Variants in GBF1 observed in about 807,000 individuals in gnomAD.
GBF1 encodes the protein golgi brefeldin A resistant guanine nucleotide exchange factor 1, also known as Golgi-specific brefeldin A-resistance guanine nucleotide exchange factor 1.
GBF1 carries 114 observed loss-of-function variants against 210.5 expected under a neutral mutation model. The ratio of observed to expected loss-of-function variants is 0.54; its 90% CI spans 0.47 to 0.63. The LOEUF (loss-of-function observed/expected upper bound fraction) is 0.63. Among genes scored for constraint, GBF1 ranks in the 30% least tolerant of loss-of-function variants. The pLI is 0.00. For synonymous variants in GBF1, 850 were observed against 889.2 expected, an observed-to-expected ratio of 0.96 and a Z score of 0.78; for missense variants, 1,851 against 2,357.7, an observed-to-expected ratio of 0.79 and a Z score of 4.45.
intron 3 of GBF1, among the ~76,000 whole-genome samples, chr10:102,311,000 G>A (rs552361479): frequency 6.6e-6 from 1 of 152,308 alleles, no homozygotes; most frequent in Non-Finnish European, 1.5e-5. Flanking sequence ...CCTTTAGAGG[G>A]TGCTTTGAGG....
At chr10:102,355,239 C>T (rs1475777118) in intron 8 of GBF1, among the ~76,000 whole-genome samples, 1 of 152,196 alleles carries the variant, frequency 6.6e-6, no homozygotes, top group Non-Finnish European at 1.5e-5. Flanking sequence ...AAGTAAAAAA[C>T]TCTGTGTATG....
chr10:102,344,989 T>C (rs1162872761), intron 4 of GBF1, among the ~76,000 whole-genome samples: 2 of 152,046 alleles, frequency 1.3e-5, no homozygotes, highest in African/African-American at 4.8e-5. Context: ...CATTCCTTTT[T>C]AAAATGAAAT....
chr10:102,324,298 A>C (rs572714254), intron 3 of GBF1, among the ~76,000 whole-genome samples: 1 of 152,328 alleles, frequency 6.6e-6, no homozygotes, highest in South Asian at 2.1e-4. Context: ...AGTCAGAGCC[A>C]CAGCATGTGT....
upstream of GBF1, among the ~76,000 whole-genome samples, chr10:102,244,669 T>G (rs1000789935): frequency 6.6e-6 from 1 of 152,070 alleles, no homozygotes; most frequent in African/African-American, 2.4e-5. Context: ...AAAGGCTTGG[T>G]ATGAAAGGCA....
At chr10:102,277,392 CTT>C (rs35430312) in intron 3 of GBF1, among the ~76,000 whole-genome samples, 64 of 136,954 alleles carry the variant, frequency 4.7e-4, no homozygotes, top group African/African-American at 7.3e-4. Flanking sequence ...TACATTGTGA[CTT>C]TTTTTTTTTT....
In GBF1 at chr10:102,363,497, T is replaced by C. The variant is rs2059728756; in HGVS notation, c.2017+101T>C. 5.1e-6 allele frequency: 6 copies of C among 1,166,014 alleles called. No individual in the cohort carries two copies. The highest frequency in any genetic ancestry group is 7.4e-6 in the Non-Finnish European group (6 of 808,916). 72.2% of individuals were successfully genotyped at this position (1,166,014 alleles called of 1,614,324 possible). A position where few individuals can be genotyped will look rare whatever the true frequency, so the allele number is the denominator to read the frequency against. ...CCTAGGATAGTAACTAAGCAAGCCT[T>C]GGTAGCCCGCCTCGCCTTCAGACTC... On this transcript the variant is annotated intron_variant, in intron 16 of 39. Transcript: ENST00000369983. This position sits in a 1 kb window ranked among gnomAD's most constrained non-coding sequence, Gnocchi z 4.2.
At chr10:102,254,380 A>G (rs1330118973) in intron 1 of GBF1, among the ~76,000 whole-genome samples, 1 of 152,250 alleles carries the variant, frequency 6.6e-6, no homozygotes, top group Non-Finnish European at 1.5e-5. Context: ...AAAAAAAATC[A>G]AAAAGAAAAT....
In GBF1 at chr10:102,370,170, C is replaced by G. The variant is rs2135214402; in HGVS notation, c.3340-4C>G. On this transcript the variant is annotated splice_region_variant and splice_polypyrimidine_tract_variant and intron_variant, in intron 26 of 39. Coordinates refer to ENST00000369983, the MANE Select transcript of GBF1 (RefSeq NM_001377137.1). ...AGACCCCCTCTCTCTTTTGCCCTCT[C>G]TAGCAATGTGACCCAGAAAAAATGA... is the stretch of plus-strand genomic sequence containing the variant. 1 of 1,609,084 alleles carries G rather than the reference C, an allele frequency of 6.2e-7. No homozygotes were observed. Among genetic ancestry groups the G allele is most frequent in the Non-Finnish European group, 8.5e-7 (1 of 1,175,384 alleles).
chr10:102,379,959 T>G lies in GBF1; in HGVS notation c.4878+5T>G. The G allele has an allele frequency of 1.3e-6, 2 of 1,570,812 alleles. No homozygotes were observed. Among genetic ancestry groups the G allele is most frequent in the Non-Finnish European group, 1.8e-6 (2 of 1,142,326 alleles). ...GCTTCCACATTGCTCTCTAAGGTAC[T>G]GCTCACCACCCTATACCCACCCTCT... On this transcript the variant is annotated splice_donor_5th_base_variant and intron_variant, in intron 36 of 39. Transcript: ENST00000369983.
At chr10:102,233,209 C>T in the GBF1 span, among the ~76,000 whole-genome samples, 7 of 151,678 alleles carry the variant, frequency 4.6e-5, no homozygotes, top group Admixed American at 6.6e-5. Flanking sequence ...GACTCAGCTG[C>T]GGTTCTAGCC....
At position 102,352,530 on chromosome 10, in the gene GBF1, G is replaced by T. The variant is rs1297696245; in HGVS notation, c.584+12G>T. ...CTGCTCTTCACAAGGTAAACCTGCT[G>T]CTGTTTGCTTCAGCCCGGCTGCCCA... On this transcript the variant is annotated intron_variant, in intron 7 of 39. Coordinates refer to ENST00000369983, the MANE Select transcript of GBF1 (RefSeq NM_001377137.1). 4 of 1,597,596 alleles carry T rather than the reference G, an allele frequency of 2.5e-6. No individual in the cohort carries two copies. Among genetic ancestry groups the T allele is most frequent in the African/African-American group, 1.3e-5 (1 of 74,604 alleles).
At chr10:102,343,726 T>C (rs2058347887) in intron 3 of GBF1, among the ~76,000 whole-genome samples, 1 of 151,300 alleles carries the variant, frequency 6.6e-6, no homozygotes, top group Non-Finnish European at 1.5e-5. Context: ...GCTGAGGGGC[T>C]TGAGCCCTGG....
chr10:102,249,247 C>G (rs1241551348), intron 1 of GBF1, among the ~76,000 whole-genome samples: 1 of 152,052 alleles, frequency 6.6e-6, no homozygotes, highest in Non-Finnish European at 1.5e-5. Context: ...TTTTCTTTGT[C>G]CTACTCTGCC....
At position 102,382,357 on chromosome 10, in the gene GBF1, G is replaced by A. The variant is rs748856207; in HGVS notation, c.*21G>A. On this transcript the variant is annotated 3_prime_UTR_variant, in exon 40 of 40. Transcript: ENST00000369983. ...ACTAAGGCAGGTCACTCAGAGATCA[G>A]GACCAGTGCTTCCCACCAGGCTTTC... 1.9e-6 allele frequency: 3 copies of A among 1,572,638 alleles called. No individual in the cohort carries two copies. The highest frequency in any genetic ancestry group is 1.8e-5 in the Admixed American group (1 of 55,714).
the GBF1 span, among the ~76,000 whole-genome samples, chr10:102,235,166 T>TCCCCCCCCC: frequency 4.2e-4 from 25 of 59,054 alleles, no homozygotes; most frequent in Middle Eastern, 7.1e-3. Flanking sequence ...TTATTACCCT[T>TCCCCCCCCC]CCCCCACCCC....
chr10:102,244,746 C>T (rs2070675486), upstream of GBF1, among the ~76,000 whole-genome samples: 8 of 152,270 alleles, frequency 5.3e-5, no homozygotes, highest in South Asian at 1.5e-3. Flanking sequence ...AAGAGTTGGC[C>T]TGGGGGTGAG....
At chr10:102,249,048 G>A (rs2071181903) in intron 1 of GBF1, among the ~76,000 whole-genome samples, 1 of 152,178 alleles carries the variant, frequency 6.6e-6, no homozygotes, top group Non-Finnish European at 1.5e-5. Context: ...TGGAAATTTA[G>A]ATCATTGTGT....
chr10:102,347,938 AT>A (rs1353270394), intron 4 of GBF1, among the ~76,000 whole-genome samples: 1 of 151,664 alleles, frequency 6.6e-6, no homozygotes, highest in African/African-American at 2.4e-5. Context: ...TTTTATTTTT[AT>A]TTTTTATTGG....
chr10:102,331,981 T>C (rs546840165), intron 3 of GBF1, among the ~76,000 whole-genome samples: 219 of 148,778 alleles, frequency 1.5e-3, no homozygotes, highest in African/African-American at 5.3e-3. Flanking sequence ...TGCCTCAGCC[T>C]CCTGAATAGC....
Sources: allele counts gnomAD v4.1 joint callset (sites outside exome capture counted in the v4.1 genomes callset), GRCh38; gene constraint gnomAD v4.1.1; non-coding constraint Gnocchi (gnomAD v3.1); transcripts MANE v1.5; gene names NCBI Gene and HGNC (gene_info 2026-07-23, HGNC 2026-07-21).